The following XIRP2 variants were observed in gnomAD, a reference collection of about 807,000 sequenced individuals.
The protein encoded by XIRP2 is xin actin binding repeat containing 2.
In XIRP2, 236 loss-of-function variants were observed where a neutral mutation model predicts 277.0. The ratio of observed to expected loss-of-function variants is 0.85; its 90% CI spans 0.77 to 0.95. The LOEUF is 0.95. XIRP2 is among the 40% of genes least tolerant of loss of function. The probability of loss-of-function intolerance (pLI) is 0.00; values close to 1 mark genes in which losing one functional copy is unlikely to be tolerated. For synonymous variants in XIRP2, 1,490 were observed against 1,416.5 expected, an observed-to-expected ratio of 1.05 and a Z score of -1.17; for missense variants, 4,640 against 4,157.5, an observed-to-expected ratio of 1.12 and a Z score of -3.19.
intron 2 of XIRP2, among the ~76,000 whole-genome samples, chr2:166,938,921 C>T (rs1274877235): frequency 6.6e-6 from 1 of 152,038 alleles, no homozygotes; most frequent in Non-Finnish European, 1.5e-5. Context: ...CAACCCCTGC[C>T]TTTTTATGTT....
At position 167,248,592 on chromosome 2, in the gene XIRP2, A is replaced by G; in HGVS notation, c.7200A>G (p.Glu2400=). The G allele has an allele frequency of 6.2e-7, 1 of 1,613,800 alleles. No homozygotes were observed. Among genetic ancestry groups the G allele is most frequent in the Non-Finnish European group, 8.5e-7 (1 of 1,179,834 alleles). ...TCATGCAACAATATTCCCAAAAAGA[A>G]GCCTCGAACTCTCAGAATTCTCAGG... is the stretch of plus-strand genomic sequence containing the variant. ...GDFMQQYSQK[E]ASNSQNSQAK... is the part of the protein sequence containing the mutation. Residue 2400 remains glutamate (E), a synonymous_variant, in exon 9 of 11, where the codon GAA becomes GAG. Transcript: ENST00000409195.
chr2:167,115,641 T>G (rs776057352), intron 2 of XIRP2, among the ~76,000 whole-genome samples: 19 of 152,186 alleles, frequency 1.2e-4, no homozygotes, highest in Admixed American at 7.2e-4. Flanking sequence ...TTCTGATTAT[T>G]GTCTCTGTTC....
chr2:167,181,184 G>A (rs1418655305), intron 3 of XIRP2, among the ~76,000 whole-genome samples: 1 of 152,216 alleles, frequency 6.6e-6, no homozygotes, highest in Non-Finnish European at 1.5e-5. Flanking sequence ...TGTAGCAGAG[G>A]CAGGGCTGTG....
intron 2 of XIRP2, among the ~76,000 whole-genome samples, chr2:166,921,711 G>T (rs1685045346): frequency 6.6e-6 from 1 of 152,106 alleles, no homozygotes; most frequent in Non-Finnish European, 1.5e-5. Flanking sequence ...GTTGAAATGA[G>T]CTGGCTCCTT....
intron 2 of XIRP2, among the ~76,000 whole-genome samples, chr2:167,015,104 C>T (rs985873754): frequency 6.6e-6 from 1 of 151,802 alleles, no homozygotes; most frequent in Non-Finnish European, 1.5e-5. Flanking sequence ...CCTTTGACCA[C>T]AGGCAAGTTG....
intron 2 of XIRP2, among the ~76,000 whole-genome samples, chr2:167,067,605 G>GA (rs374715139): frequency 1.3e-4 from 20 of 152,132 alleles, no homozygotes; most frequent in East Asian, 3.9e-4. Flanking sequence ...AATTATGCCA[G>GA]AAAAAACATA....
At chr2:167,154,600 G>A (rs904126964) in intron 3 of XIRP2, among the ~76,000 whole-genome samples, 2 of 151,934 alleles carry the variant, frequency 1.3e-5, no homozygotes, top group African/African-American at 4.8e-5. Flanking sequence ...TGTAAGGAAG[G>A]GATCCAGTTT....
chr2:167,100,080 A>G (rs889435624), intron 2 of XIRP2, among the ~76,000 whole-genome samples: 1 of 152,078 alleles, frequency 6.6e-6, no homozygotes, highest in African/African-American at 2.4e-5. Flanking sequence ...AAATGGTTTA[A>G]CCACTGAATT....
intron 2 of XIRP2, among the ~76,000 whole-genome samples, chr2:166,973,814 T>C (rs1030516015): frequency 1.3e-5 from 2 of 152,226 alleles, no homozygotes; most frequent in Non-Finnish European, 2.9e-5. Flanking sequence ...TCTTAATAAA[T>C]ATTCTTGAAA....
chr2:167,177,012 C>A (rs1360774953), intron 3 of XIRP2, among the ~76,000 whole-genome samples: 1 of 152,186 alleles, frequency 6.6e-6, no homozygotes, highest in African/African-American at 2.4e-5. Context: ...ATCCTTCCAC[C>A]AGTAGATCTC....
intron 2 of XIRP2, among the ~76,000 whole-genome samples, chr2:167,051,466 A>G (rs1334025854): frequency 6.6e-6 from 1 of 152,188 alleles, no homozygotes; most frequent in Non-Finnish European, 1.5e-5. Flanking sequence ...TCAAATATTT[A>G]TGTATAATTT....
intron 3 of XIRP2, among the ~76,000 whole-genome samples, chr2:167,210,120 C>T (rs1034481114): frequency 6.6e-6 from 1 of 152,052 alleles, no homozygotes; most frequent in East Asian, 1.9e-4. Context: ...GTAATACATG[C>T]CCCTAAGAAG....
At chr2:167,095,689 T>G (rs1285164546) in intron 2 of XIRP2, among the ~76,000 whole-genome samples, 2 of 152,000 alleles carry the variant, frequency 1.3e-5, no homozygotes, top group African/African-American at 4.8e-5. Flanking sequence ...GGATAAGATT[T>G]TTAAAGTGCT....
intron 2 of XIRP2, among the ~76,000 whole-genome samples, chr2:167,032,028 G>A (rs1688378069): frequency 6.6e-6 from 1 of 152,128 alleles, no homozygotes; most frequent in Non-Finnish European, 1.5e-5. Context: ...AAAGCTGGAA[G>A]CATCATGCTA....
At chr2:167,177,459 T>A (rs1390331450) in intron 3 of XIRP2, among the ~76,000 whole-genome samples, 1 of 152,196 alleles carries the variant, frequency 6.6e-6, no homozygotes, top group Non-Finnish European at 1.5e-5. Flanking sequence ...CACTTTTCCA[T>A]GTTATTAAGT....
intron 3 of XIRP2, among the ~76,000 whole-genome samples, chr2:167,166,327 G>A (rs1692519350): frequency 6.6e-6 from 1 of 152,036 alleles, no homozygotes; most frequent in Non-Finnish European, 1.5e-5. Context: ...GATAGACATT[G>A]CATAATTTCT....
intron 3 of XIRP2, among the ~76,000 whole-genome samples, chr2:167,164,305 G>A (rs1433378909): frequency 6.7e-6 from 1 of 149,092 alleles, no homozygotes; most frequent in African/African-American, 2.5e-5. Context: ...AATTAGCCGG[G>A]CGTGTTAGCC....
intron 2 of XIRP2, among the ~76,000 whole-genome samples, chr2:166,985,496 T>A (rs2105438760): frequency 6.6e-6 from 1 of 151,956 alleles, no homozygotes; most frequent in Non-Finnish European, 1.5e-5. Context: ...AGTGGTACGA[T>A]CTCCGCTCAC....
At chr2:167,222,773 T>C (rs571213013) in intron 5 of XIRP2, among the ~76,000 whole-genome samples, 6 of 152,342 alleles carry the variant, frequency 3.9e-5, no homozygotes, top group African/African-American at 1.4e-4. Flanking sequence ...TTGCTATTGA[T>C]GTAAAATTGC....
Sources: gnomAD v4.1 joint callset for allele counts (sites outside exome capture counted in the v4.1 genomes callset) on GRCh38, gnomAD v4.1.1 for gene constraint, MANE v1.5 for transcripts, NCBI Gene and HGNC (gene_info 2026-07-23, HGNC 2026-07-21) for gene names.